Variants in DAGLA observed in about 807,000 individuals in gnomAD.
DAGLA encodes diacylglycerol lipase-alpha.
In DAGLA, 22 loss-of-function variants were observed where a neutral mutation model predicts 102.6. The observed-to-expected ratio is 0.21, with a 90% CI of 0.15 to 0.31. DAGLA has a LOEUF of 0.31. Ranked by LOEUF, DAGLA falls within the 10% of genes least tolerant of loss-of-function variation. The probability of loss-of-function intolerance (pLI) is 1.00; values close to 1 mark genes in which losing one functional copy is unlikely to be tolerated. For missense variants in DAGLA, 927 were observed against 1,446.6 expected, an observed-to-expected ratio of 0.64 and a Z score of 5.83; for synonymous variants, 578 against 628.9, an observed-to-expected ratio of 0.92 and a Z score of 1.21.
rs890950932 is a variant in DAGLA at position 61,719,486 on chromosome 11, C to T, written c.-44-626C>T. Among the ~76,000 whole-genome samples the T allele has an allele frequency of 9.2e-5, 14 of 152,224 alleles. 1 individual carries two copies. The highest frequency in any genetic ancestry group is 3.1e-4 in the African/African-American group (13 of 41,466). On this transcript the variant is annotated intron_variant, in intron 1 of 19. Transcript: ENST00000257215. ...GGGTTCAAAACCAAGTCATAGAGCA[C>T]GCTCTTGGCTTCCAGCAAAGCAGGA...
intron 2 of DAGLA, 112 bp downstream of exon 2, chr11:61,720,362 G>GC (rs2065271585): frequency 9.7e-7 from 1 of 1,027,106 alleles, no homozygotes; most frequent in East Asian, 2.5e-5. Context: ...ACCCTGTCAT[G>GC]CCCCCAGCTG....
chr11:61,739,795 A>AT, intron 17 of DAGLA, 134 bp downstream of exon 17: 2 of 891,356 alleles, frequency 2.2e-6, no homozygotes, highest in South Asian at 3.4e-5. Context: ...CAGGGCCTCC[A>AT]TGGAGGGGTT....
intron 10 of DAGLA, among the ~76,000 whole-genome samples, chr11:61,735,224 C>T (rs1370949245): frequency 6.6e-6 from 1 of 152,232 alleles, no homozygotes; most frequent in Non-Finnish European, 1.5e-5. Context: ...CAGACATCAA[C>T]CCCACACCCA....
At chr11:61,703,674 GAGGA>G (rs921414236) in intron 1 of DAGLA, among the ~76,000 whole-genome samples, 2 of 125,838 alleles carry the variant, frequency 1.6e-5, no homozygotes, top group African/African-American at 6.2e-5. Context: ...ATGGAGGATG[GAGGA>G]ATGGATGGAT....
intron 1 of DAGLA, among the ~76,000 whole-genome samples, chr11:61,717,917 G>A (rs927883201): frequency 2.6e-5 from 4 of 152,206 alleles, no homozygotes; most frequent in African/African-American, 7.2e-5. Flanking sequence ...GGCCAGGTTC[G>A]GCTCACTCCT....
chr11:61,709,741 A>C (rs1237419303), intron 1 of DAGLA, among the ~76,000 whole-genome samples: 2 of 152,036 alleles, frequency 1.3e-5, no homozygotes, highest in Non-Finnish European at 2.9e-5. Context: ...CCTTCCTGTC[A>C]CATACTAGAG....
intron 16 of DAGLA, among the ~76,000 whole-genome samples, chr11:61,738,622 G>A (rs1482494455): frequency 6.6e-6 from 1 of 152,190 alleles, no homozygotes; most frequent in Non-Finnish European, 1.5e-5. Context: ...GGAATGACCT[G>A]TGGAGAGGAT....
intron 18 of DAGLA, among the ~76,000 whole-genome samples, 183 bp from the exon 19 acceptor site, chr11:61,740,979 C>T (rs1591055192): frequency 1.3e-5 from 2 of 152,186 alleles, no homozygotes; most frequent in African/African-American, 4.8e-5. Context: ...TGGGGCGAGT[C>T]GTGACCAGAT....
intron 17 of DAGLA, 51 bp downstream of exon 17, chr11:61,739,712 G>A (rs950128050): frequency 3.2e-6 from 5 of 1,560,822 alleles, no homozygotes; most frequent in African/African-American, 1.4e-5. Context: ...CAGGGCAGGG[G>A]CAGTGGAGAG....
intron 8 of DAGLA, among the ~76,000 whole-genome samples, chr11:61,730,570 G>A (rs183750012): frequency 2.3e-4 from 35 of 152,250 alleles, no homozygotes; most frequent in Admixed American, 2.0e-3. Flanking sequence ...TGGGGCACTC[G>A]GGAAAGACTG....
chr11:61,684,812 G>A lies in DAGLA; in HGVS notation c.-45+4308G>A, dbSNP rs1051215185. On this transcript the variant is annotated intron_variant, in intron 1 of 19. Coordinates refer to ENST00000257215, the MANE Select transcript of DAGLA (RefSeq NM_006133.3). The surrounding 1 kb of genome is among the most constrained non-coding windows in gnomAD (Gnocchi z 4.5). ...TGTCTGGCTGGCCTGGTGTTGGTGG[G>A]TGTGCGGAGCTGGGGGTTGCCGGGC... 6.6e-6 allele frequency among the ~76,000 whole-genome samples: 1 copy of A among 152,120 alleles called. No homozygotes were observed. The highest frequency in any genetic ancestry group is 1.5e-5 in the Non-Finnish European group (1 of 68,016).
At position 61,684,165 on chromosome 11, in the gene DAGLA, A is replaced by G. The variant is rs2064967288; in HGVS notation, c.-45+3661A>G. Among the ~76,000 whole-genome samples the G allele has an allele frequency of 1.3e-5, 2 of 152,198 alleles. No individual in the cohort carries two copies. Among genetic ancestry groups the G allele is most frequent in the South Asian group, 2.1e-4 (1 of 4,832 alleles). The stretch of plus-strand genomic sequence containing the variant: ...TCCTCCCCCAGTCCCTCTCCTCGAG[A>G]CCAGAGGGGAACCTCAGTGTTTAAT... On this transcript the variant is annotated intron_variant, in intron 1 of 19. Transcript: ENST00000257215. This position sits in a 1 kb window ranked among gnomAD's most constrained non-coding sequence, Gnocchi z 4.5.
intron 11 of DAGLA, 25 bp downstream of exon 11, chr11:61,735,669 C>T: frequency 1.9e-6 from 3 of 1,613,182 alleles, no homozygotes; most frequent in Non-Finnish European, 2.5e-6. Context: ...GCTCCCAGCC[C>T]CCGGGGGTGC....
intron 1 of DAGLA, among the ~76,000 whole-genome samples, chr11:61,709,356 G>T (rs2065175208): frequency 2.0e-5 from 3 of 152,198 alleles, no homozygotes; most frequent in Admixed American, 1.3e-4. Flanking sequence ...CAATTATCCT[G>T]CCATAGCCTC....
At chr11:61,710,665 AG>A (rs2065187335) in intron 1 of DAGLA, among the ~76,000 whole-genome samples, 1 of 152,098 alleles carries the variant, frequency 6.6e-6, no homozygotes, top group African/African-American at 2.4e-5. Flanking sequence ...GCAGGCTGGA[AG>A]GGTGAGGGCA....
At chr11:61,732,528 AC>A (rs1287254237) in intron 9 of DAGLA, among the ~76,000 whole-genome samples, 1 of 152,202 alleles carries the variant, frequency 6.6e-6, no homozygotes, top group East Asian at 1.9e-4. Context: ...CTAAACTGTA[AC>A]AGGTGGTATC....
Position 61,737,572 on chromosome 11 carries a change from C to T in DAGLA, c.1515-115C>T, listed in dbSNP as rs115918792. 6.9e-5 allele frequency: 79 copies of T among 1,137,958 alleles called. No individual in the cohort carries two copies. The African/African-American group carries it at 1.0e-3, about 15-fold the overall frequency. 70.5% of individuals were successfully genotyped at this position (1,137,958 alleles called of 1,614,324 possible). On this transcript the variant is annotated intron_variant, in intron 14 of 19. Coordinates refer to ENST00000257215, the MANE Select transcript of DAGLA (RefSeq NM_006133.3). Reference sequence around the variant, plus strand: ...CCCAGCCTGCCACCAGCCAGCTCCCCGGGAGCCATCCCAGGAGTGCAGGAG... The same window carrying T: ...CCCAGCCTGCCACCAGCCAGCTCCCTGGGAGCCATCCCAGGAGTGCAGGAG...
At chr11:61,698,950 CAA>C (rs1397374573) in intron 1 of DAGLA, among the ~76,000 whole-genome samples, 7 of 152,188 alleles carry the variant, frequency 4.6e-5, no homozygotes, top group Non-Finnish European at 5.9e-5. Flanking sequence ...GCCTTTTGGG[CAA>C]AGAGAACAGA....
intron 1 of DAGLA, among the ~76,000 whole-genome samples, chr11:61,718,674 GCTCCGA>G (rs1195830800): frequency 6.6e-6 from 1 of 151,116 alleles, no homozygotes; most frequent in East Asian, 2.0e-4. Context: ...CAGAAGCTGA[GCTCCGA>G]CTCCTCCTTG....
Sources: allele counts gnomAD v4.1 joint callset (sites outside exome capture counted in the v4.1 genomes callset), GRCh38; gene constraint gnomAD v4.1.1; non-coding constraint Gnocchi (gnomAD v3.1); transcripts MANE v1.5; gene names NCBI Gene and HGNC (gene_info 2026-07-23, HGNC 2026-07-21).